TBC1D9: variants seen among roughly 807,000 people sequenced by gnomAD.
The protein encoded by TBC1D9 is TBC1 domain family member 9A.
In TBC1D9, 63 loss-of-function variants were observed where a neutral mutation model predicts 132.0. The observed-to-expected ratio is 0.48, with a 90% CI of 0.39 to 0.59. The LOEUF is 0.59. TBC1D9 is among the 20% of genes least tolerant of loss of function. TBC1D9 has a pLI of 0.00. For synonymous variants in TBC1D9, 610 were observed against 609.9 expected, an observed-to-expected ratio of 1.00 and a Z score of 0.00; for missense variants, 1,261 against 1,592.7, an observed-to-expected ratio of 0.79 and a Z score of 3.54.
At chr4:140,656,975 T>G in intron 13 of TBC1D9, 122 bp downstream of exon 13, 2 of 1,280,624 alleles carry the variant, frequency 1.6e-6, no homozygotes, top group South Asian at 1.6e-5. Flanking sequence ...AGTCTAGAAC[T>G]GAGAAATAAA....
intron 16 of TBC1D9, 74 bp from the exon 17 acceptor site, chr4:140,628,439 A>G: frequency 7.3e-7 from 1 of 1,367,800 alleles, no homozygotes; most frequent in East Asian, 2.3e-5. Context: ...GTTCCTCTAA[A>G]AAGTCTACTT....
At chr4:140,690,386 T>C (rs1055799341) in intron 2 of TBC1D9, among the ~76,000 whole-genome samples, 7 of 152,208 alleles carry the variant, frequency 4.6e-5, no homozygotes, top group African/African-American at 2.4e-5. Context: ...TTCTCACCAC[T>C]GGCTCTTTTC....
chr4:140,732,063 C>T (rs913931567), intron 1 of TBC1D9, among the ~76,000 whole-genome samples: 1 of 152,186 alleles, frequency 6.6e-6, no homozygotes, highest in Non-Finnish European at 1.5e-5. Flanking sequence ...CCCACATAGG[C>T]CCTACTCAGG....
Position 140,678,122 on chromosome 4 carries a change from G to T in TBC1D9, c.851+820C>A, listed in dbSNP as rs554304977. ...TTGTCTTTTATTTTTTATTTGATCC[G>T]CTGCAGTAGCAGCATCTATCTTACA... On this transcript the variant is annotated intron_variant, in intron 5 of 20. Transcript: ENST00000442267. 4.0e-4 allele frequency among the ~76,000 whole-genome samples: 61 copies of T among 151,686 alleles called. No individual in the cohort carries two copies. In the Middle Eastern group the frequency reaches 0.01, roughly 26 times the overall value.
intron 15 of TBC1D9, among the ~76,000 whole-genome samples, chr4:140,636,217 C>T (rs1377479430): frequency 6.6e-6 from 1 of 152,144 alleles, no homozygotes; most frequent in African/African-American, 2.4e-5. Flanking sequence ...GGAAAGAGTT[C>T]AAGAGAAACC....
intron 3 of TBC1D9, among the ~76,000 whole-genome samples, chr4:140,680,167 G>A (rs1375378523): frequency 6.6e-6 from 1 of 152,062 alleles, no homozygotes; most frequent in Non-Finnish European, 1.5e-5. Context: ...GCTTATTATG[G>A]TAGAATTGTC....
chr4:140,672,209 AAT>A (rs1737548366), intron 6 of TBC1D9, among the ~76,000 whole-genome samples: 2 of 149,802 alleles, frequency 1.3e-5, no homozygotes, highest in Non-Finnish European at 3.0e-5. Context: ...TATATGTGTT[AAT>A]ATATGACATA....
At chr4:140,643,776 T>C (rs1737051591) in intron 13 of TBC1D9, 2 of 957,394 alleles carry the variant, frequency 2.1e-6, no homozygotes, top group South Asian at 3.0e-5. Flanking sequence ...GTCTGGGCAC[T>C]CAGAGGGCTC....
At position 140,736,411 on chromosome 4, in the gene TBC1D9, C is replaced by T. The variant is rs566935416; in HGVS notation, c.130+19505G>A. Among the ~76,000 whole-genome samples, 107 of 152,026 alleles carry T rather than the reference C, an allele frequency of 7.0e-4. No homozygotes were observed. In the South Asian group the frequency reaches 0.013, roughly 19 times the overall value. On this transcript the variant is annotated intron_variant, in intron 1 of 20. Coordinates refer to ENST00000442267, the MANE Select transcript of TBC1D9 (RefSeq NM_015130.3). Reference sequence around the variant, plus strand: ...CAAAAATTAGCCAGGCATGGTGGTACGTGCCTATAATCCCAGCTACTTGGA... The same window carrying T: ...CAAAAATTAGCCAGGCATGGTGGTATGTGCCTATAATCCCAGCTACTTGGA...
At chr4:140,649,522 AATTG>A (rs1737153464) in intron 13 of TBC1D9, among the ~76,000 whole-genome samples, 1 of 152,168 alleles carries the variant, frequency 6.6e-6, no homozygotes, top group Admixed American at 6.5e-5. Context: ...AGAGGGAAGA[AATTG>A]ATGGAATGTG....
chr4:140,739,581 A>G (rs1738727197), intron 1 of TBC1D9, among the ~76,000 whole-genome samples: 1 of 152,246 alleles, frequency 6.6e-6, no homozygotes, highest in Non-Finnish European at 1.5e-5. Flanking sequence ...AGTTCTCAGC[A>G]GGATGCCTGA....
At chr4:140,646,872 G>T (rs2110986155) in intron 13 of TBC1D9, among the ~76,000 whole-genome samples, 1 of 152,322 alleles carries the variant, frequency 6.6e-6, no homozygotes, top group East Asian at 1.9e-4. Context: ...CAACAATGAA[G>T]ATGCAATATT....
chr4:140,633,675 G>A (rs902392717), intron 16 of TBC1D9, among the ~76,000 whole-genome samples: 4 of 151,394 alleles, frequency 2.6e-5, no homozygotes, highest in African/African-American at 9.7e-5. Flanking sequence ...CCAAACATTT[G>A]TCTCTTGTAA....
In TBC1D9 at chr4:140,670,711, C is replaced by T; in HGVS notation, c.1266+9G>A. On this transcript the variant is annotated intron_variant, in intron 7 of 20. Coordinates refer to ENST00000442267, the MANE Select transcript of TBC1D9 (RefSeq NM_015130.3). ...AAACCAAAAATACTTTCAGGTGTCT[C>T]CCACAGACCTCATCATCTGAACTGT... 1 of 1,612,266 alleles carries T rather than the reference C, an allele frequency of 6.2e-7. No homozygotes were observed. Among genetic ancestry groups the T allele is most frequent in the Non-Finnish European group, 8.5e-7 (1 of 1,179,204 alleles).
chr4:140,675,916 C>T (rs909198563), intron 6 of TBC1D9, among the ~76,000 whole-genome samples: 3 of 152,164 alleles, frequency 2.0e-5, no homozygotes, highest in South Asian at 2.1e-4. Flanking sequence ...ATCTTGGGGG[C>T]CTTGCTGACC....
chr4:140,654,994 C>T (rs569308052), intron 13 of TBC1D9, among the ~76,000 whole-genome samples: 1 of 151,950 alleles, frequency 6.6e-6, no homozygotes, highest in South Asian at 2.1e-4. Context: ...AATTTTGTTA[C>T]CTCATTAAAG....
chr4:140,685,194 T>C (rs772073864), intron 3 of TBC1D9, among the ~76,000 whole-genome samples: 1 of 152,120 alleles, frequency 6.6e-6, no homozygotes, highest in South Asian at 2.1e-4. Flanking sequence ...TGACAAGGAG[T>C]GATACATTTG....
At chr4:140,719,467 G>A (rs551103027) in intron 1 of TBC1D9, among the ~76,000 whole-genome samples, 94 of 152,288 alleles carry the variant, frequency 6.2e-4, no homozygotes, top group Middle Eastern at 3.4e-3. Context: ...AGGAAGCTGG[G>A]CACTGGAAGG....
intron 3 of TBC1D9, among the ~76,000 whole-genome samples, chr4:140,683,821 A>G (rs1284309842): frequency 6.6e-6 from 1 of 152,250 alleles, no homozygotes; most frequent in Non-Finnish European, 1.5e-5. Context: ...AAATACTTAA[A>G]CTACTTAACC....
Sources: gnomAD v4.1 joint callset for allele counts (sites outside exome capture counted in the v4.1 genomes callset) on GRCh38, gnomAD v4.1.1 for gene constraint, MANE v1.5 for transcripts, NCBI Gene and HGNC (gene_info 2026-07-23, HGNC 2026-07-21) for gene names.